Variants in UGGT1 observed in about 807,000 individuals in gnomAD.
The protein encoded by UGGT1 is UDP-glucose:glycoprotein glucosyltransferase 1.
A neutral mutation model predicts 203.9 loss-of-function variants in UGGT1; 107 were observed. The ratio of observed to expected loss-of-function variants is 0.52; its 90% CI spans 0.45 to 0.62. The LOEUF (loss-of-function observed/expected upper bound fraction) is 0.62. Ranked by LOEUF, UGGT1 falls within the 20% of genes least tolerant of loss-of-function variation. The pLI is 0.00. For missense variants in UGGT1, 1,673 were observed against 1,867.2 expected (o/e 0.90, Z 1.92); for synonymous variants, 628 against 653.5 (o/e 0.96, Z 0.59).
At chr2:128,094,571 A>G (rs190782908) in intron 1 of UGGT1, among the ~76,000 whole-genome samples, 12 of 152,202 alleles carry the variant, frequency 7.9e-5, no homozygotes, top group Admixed American at 7.2e-4. Flanking sequence ...TATGTGGTTA[A>G]ACTGCTAGTA....
chr2:128,110,179 A>G (rs1687781543), intron 5 of UGGT1, among the ~76,000 whole-genome samples: 1 of 152,184 alleles, frequency 6.6e-6, no homozygotes, highest in South Asian at 2.1e-4. Flanking sequence ...CTTGATTTGA[A>G]TATTAATTTG....
In UGGT1 at chr2:128,127,249, T is replaced by G; in HGVS notation, c.1135-112T>G. The G allele has an allele frequency of 4.3e-6, 3 of 705,534 alleles. No homozygotes were observed. In the South Asian group the frequency reaches 5.7e-5, roughly 13 times the overall value. The allele number at this position is 705,534 out of a possible 1,614,324, so 43.7% of individuals were successfully genotyped here. ...TCCCAACAGCATCTTGAAGCAAATC[T>G]TAGCCCTGCCTTAGGATGCCAAGAT... On this transcript the variant is annotated intron_variant, in intron 11 of 40. Transcript: ENST00000259253.
chr2:128,128,514 A>G (rs1362041394), intron 12 of UGGT1, among the ~76,000 whole-genome samples: 1 of 151,924 alleles, frequency 6.6e-6, no homozygotes, highest in Non-Finnish European at 1.5e-5. Context: ...GGGTTTCACC[A>G]TGTTGGCCAG....
intron 15 of UGGT1, among the ~76,000 whole-genome samples, chr2:128,138,137 C>T (rs539470187): frequency 6.6e-6 from 1 of 152,216 alleles, no homozygotes; most frequent in East Asian, 1.9e-4. Context: ...CTCTTCATGT[C>T]AGTAAAGGAA....
intron 17 of UGGT1, among the ~76,000 whole-genome samples, chr2:128,144,193 T>C (rs1233716737): frequency 1.3e-5 from 2 of 152,224 alleles, no homozygotes; most frequent in Non-Finnish European, 2.9e-5. Context: ...ATCTCAGTTG[T>C]TTGTGAGTGG....
intron 2 of UGGT1, among the ~76,000 whole-genome samples, chr2:128,098,760 A>G (rs1048707561): frequency 2.0e-5 from 3 of 152,134 alleles, no homozygotes; most frequent in Admixed American, 6.5e-5. Context: ...AAAAAAAAAA[A>G]AAAGGGAAAG....
intron 5 of UGGT1, among the ~76,000 whole-genome samples, chr2:128,112,194 G>A (rs985690023): frequency 7.3e-5 from 11 of 151,324 alleles, no homozygotes; most frequent in African/African-American, 2.7e-4. Context: ...GCTGAGGTGG[G>A]TGGATCACCT....
rs970423094 is a variant in UGGT1, at chr2:128,159,664, G to A, written c.2506G>A (p.Glu836Lys). The A allele has an allele frequency of 8.7e-6, 14 of 1,613,980 alleles. No individual in the cohort carries two copies. The highest frequency in any genetic ancestry group is 1.7e-5 in the Admixed American group (1 of 59,994). ...GAACTTCATCACCAAAATGGCCAAGGAGGGGGCTGCAGAGGCCCTGGCTGC... is the reference window on the plus strand; with the variant it reads ...GAACTTCATCACCAAAATGGCCAAGAAGGGGGCTGCAGAGGCCCTGGCTGC... ...AKNFITKMAK[E>K]GAAEALAAGA... The change falls in exon 23 of 41, where the codon GAG becomes AAG. Residue 836 changes from glutamate (E) to lysine (K), a missense_variant. By Grantham distance (56) the Glu-to-Lys change is moderately conservative. Transcript: ENST00000259253.
chr2:128,125,338 G>A (rs1688556565), intron 11 of UGGT1, among the ~76,000 whole-genome samples: 1 of 152,112 alleles, frequency 6.6e-6, no homozygotes, highest in African/African-American at 2.4e-5. Flanking sequence ...GGGGGCTGGG[G>A]GGTTTTGTCT....
At chr2:128,124,701 A>T (rs1688531197) in intron 11 of UGGT1, among the ~76,000 whole-genome samples, 1 of 147,538 alleles carries the variant, frequency 6.8e-6, no homozygotes, top group Admixed American at 6.8e-5. Flanking sequence ...AAAAAAAAAC[A>T]CTTTCTGGTA....
chr2:128,193,868 G>A lies in UGGT1; in HGVS notation c.*4126G>A, dbSNP rs1373580318. 6.6e-6 allele frequency: 1 copy of A among 151,970 alleles called. No individual in the cohort carries two copies. The highest frequency in any genetic ancestry group is 1.9e-4 in the East Asian group (1 of 5,182). The allele number at this position is 151,970 out of a possible 1,614,324, so 9.4% of individuals were successfully genotyped here. A position where few individuals can be genotyped will look rare whatever the true frequency, so the allele number is the denominator to read the frequency against. On this transcript the variant is annotated 3_prime_UTR_variant, in exon 41 of 41. Coordinates refer to ENST00000259253, the MANE Select transcript of UGGT1 (RefSeq NM_020120.4). ...TTTTCTAAAATGGCCTTACCTATGTGGCCTGAACGATTAAAAGAAAGAACT... is the reference window on the plus strand; with the variant it reads ...TTTTCTAAAATGGCCTTACCTATGTAGCCTGAACGATTAAAAGAAAGAACT...
chr2:128,114,206 C>T (rs1687994155), intron 6 of UGGT1, among the ~76,000 whole-genome samples: 1 of 152,148 alleles, frequency 6.6e-6, no homozygotes, highest in African/African-American at 2.4e-5. Context: ...CAACCTCCGC[C>T]TCCTGAGTTC....
At position 128,164,724 on chromosome 2, in the gene UGGT1, T is replaced by C; in HGVS notation, c.2826-6T>C. 6.2e-7 allele frequency: 1 copy of C among 1,613,808 alleles called. No individual in the cohort carries two copies. ...ATGTTAAGATTTCTCTAACCCCTTC[T>C]TTCAGGGCAAGCGACTTGGTAATGA... On this transcript the variant is annotated splice_region_variant and splice_polypyrimidine_tract_variant and intron_variant, in intron 25 of 40. Coordinates refer to ENST00000259253, the MANE Select transcript of UGGT1 (RefSeq NM_020120.4).
At chr2:128,129,588 G>T (rs926805708) in intron 13 of UGGT1, among the ~76,000 whole-genome samples, 2 of 151,600 alleles carry the variant, frequency 1.3e-5, no homozygotes, top group African/African-American at 4.9e-5. Context: ...TAGTATAGAC[G>T]GGGTTTCACA....
chr2:128,131,569 T>G (rs1224531956), intron 13 of UGGT1, among the ~76,000 whole-genome samples: 1 of 152,116 alleles, frequency 6.6e-6, no homozygotes, highest in African/African-American at 2.4e-5. Context: ...ACATGTGAAT[T>G]TATTTGGGGT....
chr2:128,125,220 C>T (rs1480316412), intron 11 of UGGT1, among the ~76,000 whole-genome samples: 2 of 152,164 alleles, frequency 1.3e-5, no homozygotes, highest in East Asian at 3.9e-4. Context: ...CTTGATTTGC[C>T]ATTGTCCACA....
intron 15 of UGGT1, 39 bp downstream of exon 15, chr2:128,135,000 C>A: frequency 6.5e-7 from 1 of 1,549,316 alleles, no homozygotes; most frequent in Non-Finnish European, 8.9e-7. Flanking sequence ...TCTAATTTAG[C>A]TGAGGTTTTA....
chr2:128,093,620 C>T (rs1228611148), intron 1 of UGGT1, among the ~76,000 whole-genome samples: 1 of 152,192 alleles, frequency 6.6e-6, no homozygotes, highest in African/African-American at 2.4e-5. Flanking sequence ...TTGGACTTGC[C>T]TTGGTTCTCA....
chr2:128,189,597 T>G, intron 40 of UGGT1, 120 bp from the exon 41 acceptor site: 269 of 971,850 alleles, frequency 2.8e-4, no homozygotes, highest in Non-Finnish European at 3.8e-4. Context: ...ATTTAGTAAG[T>G]GAGATAAGAT....
Sources: gnomAD v4.1 joint callset for allele counts (sites outside exome capture counted in the v4.1 genomes callset) on GRCh38, gnomAD v4.1.1 for gene constraint, MANE v1.5 for transcripts, NCBI Gene and HGNC (gene_info 2026-07-23, HGNC 2026-07-21) for gene names.